MR1: variants seen among roughly 807,000 people sequenced by gnomAD.
The protein encoded by MR1 is major histocompatibility complex class I-related protein 1.
In MR1, 44 loss-of-function variants were observed where a neutral mutation model predicts 37.8. That is an observed-to-expected ratio of 1.16 (90% CI 0.91 to 1.50). The LOEUF (loss-of-function observed/expected upper bound fraction) is 1.50. Among genes scored for constraint, MR1 ranks in the 40% most tolerant of loss-of-function variants. The probability of loss-of-function intolerance (pLI) is 0.00; values close to 1 mark genes in which losing one functional copy is unlikely to be tolerated. For synonymous variants in MR1, 153 were observed against 155.8 expected, an observed-to-expected ratio of 0.98 and a Z score of 0.13; for missense variants, 386 against 419.1, an observed-to-expected ratio of 0.92 and a Z score of 0.69.
rs1021398757 is a variant in MR1 at position 181,055,253 on chromosome 1, A to G, written c.1014A>G (p.Thr338=). 3.7e-6 allele frequency: 6 copies of G among 1,613,538 alleles called. No homozygotes were observed. The highest frequency in any genetic ancestry group is 5.1e-6 in the Non-Finnish European group (6 of 1,179,518). Residue 338 remains threonine, a synonymous_variant, in exon 6 of 6, where the codon ACA becomes ACG. Transcript: ENST00000367580. The part of the protein sequence containing the change: ...REQNGAIYLP[T]PDR ...AAAATGGAGCCATCTACCTTCCAAC[A>G]CCAGATCGATGATTGCAGATCCCTC...
chr1:181,037,796 G>A (rs1160045106), intron 1 of MR1, among the ~76,000 whole-genome samples: 1 of 152,076 alleles, frequency 6.6e-6, no homozygotes, highest in African/African-American at 2.4e-5. Flanking sequence ...GGAAACATAA[G>A]ACATATAGTC....
Position 181,055,433 on chromosome 1 carries a change from T to C in MR1, c.*168T>C, listed in dbSNP as rs967061117. ...AACAGAGGAGCCACAAAATGTTCTTTGTTCTTTGGCTCCAAAAAGACTGTC... is the reference window on the plus strand; with the variant it reads ...AACAGAGGAGCCACAAAATGTTCTTCGTTCTTTGGCTCCAAAAAGACTGTC... On this transcript the variant is annotated 3_prime_UTR_variant, in exon 6 of 6. Coordinates refer to ENST00000367580, the MANE Select transcript of MR1 (RefSeq NM_001385161.1). 4.7e-5 allele frequency: 29 copies of C among 615,514 alleles called. No individual in the cohort carries two copies. Among genetic ancestry groups the C allele is most frequent in the Middle Eastern group, 5.1e-4 (2 of 3,914 alleles). The allele number at this position is 615,514 out of a possible 1,614,324, so 38.1% of individuals were successfully genotyped here.
intron 1 of MR1, among the ~76,000 whole-genome samples, chr1:181,042,925 C>T (rs1409839006): frequency 6.6e-6 from 1 of 152,160 alleles, no homozygotes; most frequent in Non-Finnish European, 1.5e-5. Flanking sequence ...AAGCTACTAC[C>T]ATGTGCCAAG....
intron 1 of MR1, among the ~76,000 whole-genome samples, chr1:181,036,570 C>T (rs1266895865): frequency 6.6e-6 from 1 of 152,100 alleles, no homozygotes; most frequent in African/African-American, 2.4e-5. Context: ...GGTTGTGGGT[C>T]ATTACTCCAG....
chr1:181,051,640 G>A (rs1023626102), intron 3 of MR1, among the ~76,000 whole-genome samples: 1 of 152,196 alleles, frequency 6.6e-6, no homozygotes, highest in Non-Finnish European at 1.5e-5. Flanking sequence ...AAGGTCACAC[G>A]TGGGTACTTC....
Position 181,059,379 on chromosome 1 carries a change from A to G in MR1, c.*4114A>G, listed in dbSNP as rs1460813841. ...CTTCTGGTTGCCCCAAACCCCACAG[A>G]CTGTGTAACAAAACCCAAAACCTAT... On this transcript the variant is annotated 3_prime_UTR_variant, in exon 6 of 6. Transcript: ENST00000367580. The G allele has an allele frequency of 6.6e-6, 1 of 152,202 alleles. No individual in the cohort carries two copies. The highest frequency in any genetic ancestry group is 2.4e-5 in the African/African-American group (1 of 41,414). 9.4% of individuals were successfully genotyped at this position (152,202 alleles called of 1,614,324 possible).
upstream of MR1, chr1:181,033,953 T>G: frequency 1.3e-6 from 2 of 1,517,808 alleles, no homozygotes; most frequent in Non-Finnish European, 1.8e-6. Flanking sequence ...CACCAAGAGG[T>G]TCTCAGAAGG....
Position 181,056,857 on chromosome 1 carries a change from C to T in MR1, c.*1592C>T, listed in dbSNP as rs141584044. 831 of 152,486 alleles carry T rather than the reference C, an allele frequency of 5.4e-3. 2 individuals carry two copies. Among genetic ancestry groups the T allele is most frequent in the Non-Finnish European group, 9.6e-3 (654 of 68,188 alleles). The allele number at this position is 152,486 out of a possible 1,614,324, so 9.4% of individuals were successfully genotyped here. A position where few individuals can be genotyped will look rare whatever the true frequency, so the allele number is the denominator to read the frequency against. Reference sequence around the variant, plus strand: ...CCTTCAGCCCGGGCACAGTGGCTCACGCCTGTAATCCTAGCACTTTGGGAG... The same window carrying T: ...CCTTCAGCCCGGGCACAGTGGCTCATGCCTGTAATCCTAGCACTTTGGGAG... On this transcript the variant is annotated 3_prime_UTR_variant, in exon 6 of 6. Transcript: ENST00000367580.
rs1379747787 is a variant in MR1, at chr1:181,056,737, T to C, written c.*1472T>C. On this transcript the variant is annotated 3_prime_UTR_variant, in exon 6 of 6. Coordinates refer to ENST00000367580, the MANE Select transcript of MR1 (RefSeq NM_001385161.1). ...TGACCTGAACTTTGACAAGTGGCTTTTGTCCTGCACCTCAGGTTTGACCTC... is the reference window on the plus strand; with the variant it reads ...TGACCTGAACTTTGACAAGTGGCTTCTGTCCTGCACCTCAGGTTTGACCTC... 1 of 152,428 alleles carries C rather than the reference T, an allele frequency of 6.6e-6. No homozygotes were observed. The highest frequency in any genetic ancestry group is 1.5e-5 in the Non-Finnish European group (1 of 68,202). 9.4% of individuals were successfully genotyped at this position (152,428 alleles called of 1,614,324 possible). A position where few individuals can be genotyped will look rare whatever the true frequency, so the allele number is the denominator to read the frequency against.
chr1:181,048,965 A>G lies in MR1; in HGVS notation c.68-87A>G, dbSNP rs1056953928. 7.3e-6 allele frequency: 11 copies of G among 1,509,992 alleles called. No individual in the cohort carries two copies. In the African/African-American group the frequency reaches 1.1e-4, roughly 15 times the overall value. The allele number at this position is 1,509,992 out of a possible 1,614,324, so 93.5% of individuals were successfully genotyped here. ...GAGGCCTGGGTACAGCTGAGTAGGG[A>G]GCACTCGTGTGGGGCTAAATGAATG... On this transcript the variant is annotated intron_variant, in intron 1 of 5. Transcript: ENST00000367580.
chr1:181,041,349 T>G (rs1315488220), intron 1 of MR1, among the ~76,000 whole-genome samples: 3 of 152,242 alleles, frequency 2.0e-5, no homozygotes, highest in Admixed American at 2.0e-4. Context: ...GAGGTTTTTT[T>G]GCTTGTTGGC....
At chr1:181,044,930 T>A (rs931801514) in intron 1 of MR1, among the ~76,000 whole-genome samples, 4 of 152,222 alleles carry the variant, frequency 2.6e-5, no homozygotes, top group African/African-American at 9.6e-5. Flanking sequence ...GGCCGGGGAC[T>A]GGAGGGAGAC....
chr1:181,045,778 T>A (rs1330465455), intron 1 of MR1, among the ~76,000 whole-genome samples: 1 of 152,224 alleles, frequency 6.6e-6, no homozygotes, highest in Non-Finnish European at 1.5e-5. Flanking sequence ...TGGGAGCCCC[T>A]TTCTGGGCTG....
At chr1:181,038,403 A>G (rs994933376) in intron 1 of MR1, among the ~76,000 whole-genome samples, 2 of 152,138 alleles carry the variant, frequency 1.3e-5, no homozygotes, top group African/African-American at 4.8e-5. Flanking sequence ...CCTCATTCCC[A>G]CGATGCTCGA....
intron 1 of MR1, among the ~76,000 whole-genome samples, chr1:181,047,056 A>C (rs1012497230): frequency 6.6e-6 from 1 of 152,042 alleles, no homozygotes; most frequent in Non-Finnish European, 1.5e-5. Flanking sequence ...CCAAGAACCC[A>C]CCAATTGCGG....
Position 181,050,244 on chromosome 1 carries a change from A to G in MR1, c.562A>G (p.Lys188Glu). ...WLEEECIAWL[K>E]RFLEYGKDTL... The stretch of plus-strand genomic sequence containing the variant: ...GGAAGAAGAATGTATTGCCTGGCTA[A>G]AGAGATTCCTGGAGTATGGGAAAGA... Residue 188 changes from lysine (K) to glutamate (E), a missense_variant, in exon 3 of 6, where the codon AAG becomes GAG. Lys to Glu is a moderately conservative substitution (Grantham distance 56). Coordinates refer to ENST00000367580, the MANE Select transcript of MR1 (RefSeq NM_001385161.1). The G allele has an allele frequency of 6.2e-7, 1 of 1,614,266 alleles. No homozygotes were observed. The highest frequency in any genetic ancestry group is 8.5e-7 in the Non-Finnish European group (1 of 1,180,046).
At position 181,059,833 on chromosome 1, in the gene MR1, C is replaced by G. The variant is rs934940153; in HGVS notation, c.*4568C>G. The G allele has an allele frequency of 6.6e-6, 1 of 152,186 alleles. No individual in the cohort carries two copies. Among genetic ancestry groups the G allele is most frequent in the Non-Finnish European group, 1.5e-5 (1 of 68,036 alleles). 9.4% of individuals were successfully genotyped at this position (152,186 alleles called of 1,614,324 possible). ...CAAAAAGAGGGTGTATAGAACCCAA[C>G]ACTCAATAGGAAGATTGTCAGAGTT... On this transcript the variant is annotated 3_prime_UTR_variant, in exon 6 of 6. Transcript: ENST00000367580.
intron 5 of MR1, among the ~76,000 whole-genome samples, chr1:181,054,985 A>C (rs771515420): frequency 1.3e-5 from 2 of 152,236 alleles, no homozygotes; most frequent in Non-Finnish European, 2.9e-5. Context: ...TGAAACAAAC[A>C]AAAAATTTTT....
chr1:181,041,883 G>C (rs376786492), intron 1 of MR1, among the ~76,000 whole-genome samples: 2 of 152,256 alleles, frequency 1.3e-5, no homozygotes, highest in African/African-American at 4.8e-5. Context: ...CTAGGGTGTA[G>C]ACTCCATGAG....
Sources: gnomAD v4.1 joint callset for allele counts (sites outside exome capture counted in the v4.1 genomes callset) on GRCh38, gnomAD v4.1.1 for gene constraint, MANE v1.5 for transcripts, NCBI Gene and HGNC (gene_info 2026-07-23, HGNC 2026-07-21) for gene names.